KMT5B: variants seen among roughly 807,000 people sequenced by gnomAD.
KMT5B encodes the protein histone-lysine N-methyltransferase KMT5B.
Under a neutral mutation model 83.2 loss-of-function variants are expected in KMT5B, and 10 were observed. The observed-to-expected ratio is 0.12, with a 90% CI of 0.07 to 0.20. The LOEUF is 0.20. KMT5B is among the 10% of genes least tolerant of loss of function. The pLI is 1.00. For missense variants in KMT5B, 753 were observed against 1,067.2 expected (o/e 0.71, Z 4.10); for synonymous variants, 349 against 388.8 (o/e 0.90, Z 1.20).
At chr11:68,188,930 T>C (rs112294407) in intron 2 of KMT5B, among the ~76,000 whole-genome samples, 5 of 152,340 alleles carry the variant, frequency 3.3e-5, no homozygotes, top group African/African-American at 1.2e-4. Context: ...TCATTCAGTC[T>C]TGCCTCTTCC....
At chr11:68,179,974 A>T (rs866117719) in intron 4 of KMT5B, among the ~76,000 whole-genome samples, 158 bp downstream of exon 4, 2 of 152,206 alleles carry the variant, frequency 1.3e-5, no homozygotes, top group South Asian at 2.1e-4. Flanking sequence ...GTGGTTTTTT[A>T]AAAAATACAA....
intron 1 of KMT5B, among the ~76,000 whole-genome samples, chr11:68,191,609 T>C (rs1216972809): frequency 6.6e-6 from 1 of 152,112 alleles, no homozygotes; most frequent in Non-Finnish European, 1.5e-5. Flanking sequence ...GCTGGGATTA[T>C]AGGCGTGAGC....
chr11:68,183,402 G>A (rs534854674), intron 3 of KMT5B, among the ~76,000 whole-genome samples: 3 of 152,298 alleles, frequency 2.0e-5, no homozygotes, highest in South Asian at 2.1e-4. Flanking sequence ...CTGTTGCCCA[G>A]GCTGGAGTGC....
Position 68,155,922 on chromosome 11 carries a change from T to C in KMT5B, c.*1766A>G, listed in dbSNP as rs2153038720. 6.6e-6 allele frequency: 1 copy of C among 152,356 alleles called. No homozygotes were observed. The highest frequency in any genetic ancestry group is 1.9e-4 in the East Asian group (1 of 5,188). The allele number at this position is 152,356 out of a possible 1,614,324, so 9.4% of individuals were successfully genotyped here. A position where few individuals can be genotyped will look rare whatever the true frequency, so the allele number is the denominator to read the frequency against. On this transcript the variant is annotated 3_prime_UTR_variant, in exon 11 of 11. Coordinates refer to ENST00000304363, the MANE Select transcript of KMT5B (RefSeq NM_017635.5). ...AGACTATGTAAGACTGCAGAAGTAGTTCCTTAGAGAACCAGGAGAAAACAA... is the reference window on the plus strand; with the variant it reads ...AGACTATGTAAGACTGCAGAAGTAGCTCCTTAGAGAACCAGGAGAAAACAA...
chr11:68,174,644 T>C lies in KMT5B; in HGVS notation c.543+374A>G, dbSNP rs58650862. ...CTTGGGCACAAGCAATGCTTCTGGCTCTGCTTCCTGAGTAGCCGGAACTAC... is the reference window on the plus strand; with the variant it reads ...CTTGGGCACAAGCAATGCTTCTGGCCCTGCTTCCTGAGTAGCCGGAACTAC... On this transcript the variant is annotated intron_variant, in intron 5 of 10. Coordinates refer to ENST00000304363, the MANE Select transcript of KMT5B (RefSeq NM_017635.5). Among the ~76,000 whole-genome samples, 404 of 151,924 alleles carry C rather than the reference T, an allele frequency of 2.7e-3. 1 individual carries two copies. The highest frequency in any genetic ancestry group is 9.2e-3 in the African/African-American group (380 of 41,184).
Position 68,171,044 on chromosome 11 carries a change from A to G in KMT5B, c.948T>C (p.Asn316=), listed in dbSNP as rs756096452. 3.8e-6 allele frequency: 6 copies of G among 1,598,454 alleles called. No individual in the cohort carries two copies. Among genetic ancestry groups the G allele is most frequent in the African/African-American group, 1.4e-5 (1 of 73,846 alleles). Residue 316 remains asparagine, a synonymous_variant, in exon 9 of 11, where the codon AAT becomes AAC. Coordinates refer to ENST00000304363, the MANE Select transcript of KMT5B (RefSeq NM_017635.5). This position sits in a 1 kb window ranked among gnomAD's most constrained non-coding sequence, Gnocchi z 5.1. ...YYGDGFFGEN[N]EFCECYTCER... is the part of the protein sequence containing the mutation. Reference sequence around the variant, plus strand: ...CGCAAGTGTAACACTCGCAGAACTCATTATTTTCTCCAAAGAACCCATCTC... The same window carrying G: ...CGCAAGTGTAACACTCGCAGAACTCGTTATTTTCTCCAAAGAACCCATCTC...
At chr11:68,167,694 G>GGGAT (rs1247046733) in intron 9 of KMT5B, among the ~76,000 whole-genome samples, 2 of 152,098 alleles carry the variant, frequency 1.3e-5, no homozygotes, top group East Asian at 3.8e-4. Context: ...CTGGGCTCAA[G>GGGAT]GGATCTTCCC....
rs1226540583 is a variant in KMT5B, at chr11:68,155,303, C to T, written c.*2385G>A. 6.6e-6 allele frequency: 1 copy of T among 152,164 alleles called. No individual in the cohort carries two copies. The highest frequency in any genetic ancestry group is 1.5e-5 in the Non-Finnish European group (1 of 68,012). 9.4% of individuals were successfully genotyped at this position (152,164 alleles called of 1,614,324 possible). A position where few individuals can be genotyped will look rare whatever the true frequency, so the allele number is the denominator to read the frequency against. Reference sequence around the variant, plus strand: ...CTTTACCAACGGAAATTAGGTTTCCCTAGAAGGCATCAACAGTGGCTGCTG... The same window carrying T: ...CTTTACCAACGGAAATTAGGTTTCCTTAGAAGGCATCAACAGTGGCTGCTG... On this transcript the variant is annotated 3_prime_UTR_variant, in exon 11 of 11. Coordinates refer to ENST00000304363, the MANE Select transcript of KMT5B (RefSeq NM_017635.5).
chr11:68,170,709 T>TGCGTGTGTGC lies in KMT5B; in HGVS notation c.977+296_977+305dup, dbSNP rs1211837180. 3.3e-5 allele frequency among the ~76,000 whole-genome samples: 5 copies of TGCGTGTGTGC among 152,184 alleles called. No individual in the cohort carries two copies. In the East Asian group the frequency reaches 7.7e-4, roughly 23 times the overall value. ...AGTAGCGGCAACCCCATTCTGGCATTGCGTGTGTGCATGTGTGTGAGCTAT... is the reference window on the plus strand; with the variant it reads ...AGTAGCGGCAACCCCATTCTGGCATTGCGTGTGTGCGCGTGTGTGCATGTGTGTGAGCTAT... On this transcript the variant is annotated intron_variant, in intron 9 of 10. Transcript: ENST00000304363.
intron 1 of KMT5B, among the ~76,000 whole-genome samples, chr11:68,203,160 G>A (rs1484102230): frequency 6.6e-6 from 1 of 151,792 alleles, no homozygotes; most frequent in African/African-American, 2.4e-5. Flanking sequence ...ATTTTTAGGA[G>A]AGACGAGGTT....
At chr11:68,168,093 G>A (rs913380211) in intron 9 of KMT5B, among the ~76,000 whole-genome samples, 3 of 152,110 alleles carry the variant, frequency 2.0e-5, no homozygotes, top group African/African-American at 4.8e-5. Flanking sequence ...GAAGAATTGC[G>A]TGAACCTGGA....
intron 1 of KMT5B, among the ~76,000 whole-genome samples, chr11:68,198,389 A>G (rs1020318417): frequency 2.0e-5 from 3 of 149,666 alleles, no homozygotes; most frequent in Non-Finnish European, 4.4e-5. Flanking sequence ...CTGTGAAAAG[A>G]AAAGAAGAGA....
In KMT5B at chr11:68,167,163, A is replaced by C; in HGVS notation, c.993T>G (p.Ala331=). The change falls in exon 10 of 11, where the codon GCT becomes GCG. Residue 331 remains alanine (A), a synonymous_variant. Transcript: ENST00000304363. Reference sequence around the variant, plus strand: ...CAGGCAGTCCCACTCTGGATTTAAAAGCACCAGTGCCCCGTCTGAAAGAGA... The same window carrying C: ...CAGGCAGTCCCACTCTGGATTTAAACGCACCAGTGCCCCGTCTGAAAGAGA... The part of the protein sequence containing the change: ...CYTCERRGTG[A]FKSRVGLPAP... The C allele has an allele frequency of 6.2e-7, 1 of 1,611,696 alleles. No individual in the cohort carries two copies. Among genetic ancestry groups the C allele is most frequent in the Non-Finnish European group, 8.5e-7 (1 of 1,178,686 alleles).
At chr11:68,173,468 C>T (rs189134854) in intron 6 of KMT5B, among the ~76,000 whole-genome samples, 1 of 152,294 alleles carries the variant, frequency 6.6e-6, no homozygotes, top group African/African-American at 2.4e-5. Context: ...ACTTTAGCCC[C>T]AACCTTTCTT....
At chr11:68,169,687 G>A (rs1190420438) in intron 9 of KMT5B, among the ~76,000 whole-genome samples, 1 of 152,174 alleles carries the variant, frequency 6.6e-6, no homozygotes, top group African/African-American at 2.4e-5. Context: ...ACATCACATA[G>A]CTAATGAAAT....
At chr11:68,202,709 C>T (rs1334695265) in intron 1 of KMT5B, among the ~76,000 whole-genome samples, 4 of 151,448 alleles carry the variant, frequency 2.6e-5, no homozygotes, top group South Asian at 2.1e-4. Flanking sequence ...CCACTATGCC[C>T]GGCTAATTTT....
intron 10 of KMT5B, among the ~76,000 whole-genome samples, chr11:68,163,637 C>A (rs1478214845): frequency 6.6e-6 from 1 of 152,204 alleles, no homozygotes; most frequent in African/African-American, 2.4e-5. Flanking sequence ...AGGGCCACAG[C>A]TGAGCATCTC....
At position 68,207,802 on chromosome 11, in the gene KMT5B, AAAAAC is replaced by A. The variant is rs1377799741; in HGVS notation, c.-77+5331_-77+5335del. Among the ~76,000 whole-genome samples, 791 of 151,126 alleles carry A rather than the reference AAAAAC, an allele frequency of 5.2e-3. 6 individuals carry two copies. Among genetic ancestry groups the A allele is most frequent in the African/African-American group, 0.019 (765 of 41,044 alleles). On this transcript the variant is annotated intron_variant, in intron 1 of 10. Coordinates refer to ENST00000304363, the MANE Select transcript of KMT5B (RefSeq NM_017635.5). ...TGAGACTCCATCTCAAAAAAAAAAA[AAAAAC>A]AAACCAAAAAACAACACAGAATAAT...
At chr11:68,164,133 T>C (rs1439496734) in intron 10 of KMT5B, among the ~76,000 whole-genome samples, 1 of 152,178 alleles carries the variant, frequency 6.6e-6, no homozygotes, top group Non-Finnish European at 1.5e-5. Flanking sequence ...GTGGACTGGA[T>C]TTGTGAAAAC....
Sources: allele counts gnomAD v4.1 joint callset (sites outside exome capture counted in the v4.1 genomes callset), GRCh38; gene constraint gnomAD v4.1.1; non-coding constraint Gnocchi (gnomAD v3.1); transcripts MANE v1.5; gene names NCBI Gene and HGNC (gene_info 2026-07-23, HGNC 2026-07-21).